Variants in ZNF440 observed in about 807,000 individuals in gnomAD.
ZNF440 encodes zinc finger protein 440.
In ZNF440, 47 loss-of-function variants were observed where a neutral mutation model predicts 49.7. That is an observed-to-expected ratio of 0.95 (90% CI 0.75 to 1.21). ZNF440 has a LOEUF of 1.21. Among genes scored for constraint, ZNF440 ranks in the 50% most tolerant of loss-of-function variants. The pLI is 0.00. For missense variants in ZNF440, 703 were observed against 715.0 expected (o/e 0.98, Z 0.19); for synonymous variants, 255 against 237.7 (o/e 1.07, Z -0.67).
intron 1 of ZNF440, among the ~76,000 whole-genome samples, chr19:11,820,986 TCTC>T (rs1424991524): frequency 6.6e-6 from 1 of 152,078 alleles, no homozygotes. Flanking sequence ...AATTAGCACT[TCTC>T]CTTTCCTCTA....
chr19:11,818,457 G>T (rs897355058), intron 1 of ZNF440, among the ~76,000 whole-genome samples: 9 of 152,126 alleles, frequency 5.9e-5, no homozygotes, highest in Non-Finnish European at 1.3e-4. Context: ...CTAGGCACCT[G>T]CTTCCCTAAC....
At position 11,830,318 on chromosome 19, in the gene ZNF440, C is replaced by T. The variant is rs765663091; in HGVS notation, c.39C>T (p.Phe13=). Residue 13 remains phenylalanine, a synonymous_variant, in exon 2 of 4, where the codon TTC becomes TTT. Transcript: ENST00000304060. ...PVAFKDVAVN[F]TQEEWALLDI... ...CTTTTAAGGATGTGGCTGTGAACTTCACCCAGGAGGAGTGGGCTTTGCTGG... is the reference window on the plus strand; with the variant it reads ...CTTTTAAGGATGTGGCTGTGAACTTTACCCAGGAGGAGTGGGCTTTGCTGG... 2.5e-6 allele frequency: 4 copies of T among 1,614,148 alleles called. No individual in the cohort carries two copies. In the Admixed American group the frequency reaches 6.7e-5, roughly 27 times the overall value.
At chr19:11,820,391 T>C (rs1375923101) in intron 1 of ZNF440, among the ~76,000 whole-genome samples, 1 of 152,150 alleles carries the variant, frequency 6.6e-6, no homozygotes, top group African/African-American at 2.4e-5. Context: ...TAATTTTTTT[T>C]GTATTTTTTG....
rs768869222 is a variant in ZNF440, at chr19:11,832,407, C to T, written c.1231C>T (p.Leu411Phe). The change falls in exon 4 of 4, where the codon CTT becomes TTT. Residue 411 changes from leucine to phenylalanine, a missense_variant. Coordinates refer to ENST00000304060, the MANE Select transcript of ZNF440 (RefSeq NM_152357.3). ...CGKAFRSASH[L>F]RVHGRTHTGE... ...GAAAGCCTTCAGATCTGCCTCACACCTTCGAGTGCATGGTAGGACTCACAC... is the reference window on the plus strand; with the variant it reads ...GAAAGCCTTCAGATCTGCCTCACACTTTCGAGTGCATGGTAGGACTCACAC... 3 of 1,613,290 alleles carry T rather than the reference C, an allele frequency of 1.9e-6. No individual in the cohort carries two copies. The highest frequency in any genetic ancestry group is 2.5e-6 in the Non-Finnish European group (3 of 1,179,694).
chr19:11,823,853 T>G (rs1463605809), intron 1 of ZNF440, among the ~76,000 whole-genome samples: 1 of 151,944 alleles, frequency 6.6e-6, no homozygotes, highest in Admixed American at 6.6e-5. Flanking sequence ...TCCCAGCTAT[T>G]CGGGAGGCTG....
At chr19:11,828,064 G>T (rs1975888169) in intron 1 of ZNF440, among the ~76,000 whole-genome samples, 1 of 152,262 alleles carries the variant, frequency 6.6e-6, no homozygotes, top group Non-Finnish European at 1.5e-5. Flanking sequence ...TCAGACTTTG[G>T]CCATGACCTT....
chr19:11,827,129 T>C (rs969824411), intron 1 of ZNF440, among the ~76,000 whole-genome samples: 28 of 150,872 alleles, frequency 1.9e-4, no homozygotes, highest in African/African-American at 6.8e-4. Flanking sequence ...AGTGGCGTAA[T>C]CTTGGCTCAC....
At position 11,816,165 on chromosome 19, in the gene ZNF440, G is replaced by A. The variant is rs770016794; in HGVS notation, c.3+1715G>A. 53 of 160,028 alleles carry A rather than the reference G, an allele frequency of 3.3e-4. 1 individual carries two copies. The highest frequency in any genetic ancestry group is 6.3e-4 in the Non-Finnish European group (46 of 73,376). The allele number at this position is 160,028 out of a possible 1,614,324, so 9.9% of individuals were successfully genotyped here. A position where few individuals can be genotyped will look rare whatever the true frequency, so the allele number is the denominator to read the frequency against. On this transcript the variant is annotated intron_variant, in intron 1 of 3. Transcript: ENST00000304060. ...AAGGTGTAAGTTCCATTGGCAGAAA[G>A]GGTGGGACCTGTGGAAGGGGGGTTA...
rs142539118 is a variant in ZNF440 at position 11,821,011 on chromosome 19, C to G, written c.3+6561C>G. Among the ~76,000 whole-genome samples the G allele has an allele frequency of 1.6e-4, 25 of 152,280 alleles. No individual in the cohort carries two copies. In the East Asian group the frequency reaches 4.6e-3, roughly 28 times the overall value. ...TCTCCTTTCCTCTATGTGAAATGTT[C>G]AGAGAATCACCACCAGACACTTTCC... On this transcript the variant is annotated intron_variant, in intron 1 of 3. Coordinates refer to ENST00000304060, the MANE Select transcript of ZNF440 (RefSeq NM_152357.3).
intron 1 of ZNF440, among the ~76,000 whole-genome samples, chr19:11,825,187 A>T (rs1051397247): frequency 6.6e-6 from 1 of 152,158 alleles, no homozygotes; most frequent in Non-Finnish European, 1.5e-5. Flanking sequence ...TAAAAAATAA[A>T]AAATAAAAAC....
chr19:11,821,888 T>G (rs1975804503), intron 1 of ZNF440, among the ~76,000 whole-genome samples: 2 of 152,216 alleles, frequency 1.3e-5, no homozygotes, highest in Admixed American at 6.5e-5. Context: ...TGACATACAG[T>G]GCATGGCTCA....
At chr19:11,823,239 C>G (rs1271282171) in intron 1 of ZNF440, among the ~76,000 whole-genome samples, 1 of 152,124 alleles carries the variant, frequency 6.6e-6, no homozygotes, top group Admixed American at 6.6e-5. Context: ...AGGATCGACT[C>G]TTATGCTGTC....
chr19:11,824,143 A>G (rs1280804531), intron 1 of ZNF440, among the ~76,000 whole-genome samples: 2 of 149,402 alleles, frequency 1.3e-5, no homozygotes, highest in Non-Finnish European at 3.0e-5. Flanking sequence ...TGATTGCAAC[A>G]CTACACTCCA....
rs535387812 is a variant in ZNF440, at chr19:11,824,396, A to G, written c.4-5887A>G. The stretch of plus-strand genomic sequence containing the variant: ...AAGAATTGCACAATGAATTCAAATA[A>G]TGATGGAACCAGTATTGGGAATAAG... On this transcript the variant is annotated intron_variant, in intron 1 of 3. Coordinates refer to ENST00000304060, the MANE Select transcript of ZNF440 (RefSeq NM_152357.3). 2.0e-5 allele frequency among the ~76,000 whole-genome samples: 3 copies of G among 152,260 alleles called. No homozygotes were observed. In the East Asian group the frequency reaches 5.8e-4, roughly 29 times the overall value.
chr19:11,825,724 C>T (rs1975854918), intron 1 of ZNF440, among the ~76,000 whole-genome samples: 1 of 151,688 alleles, frequency 6.6e-6, no homozygotes, highest in Non-Finnish European at 1.5e-5. Context: ...TCAGGTGATC[C>T]TCCCGCCTCA....
In ZNF440 at chr19:11,833,849, G is replaced by A. The variant is rs1062272; in HGVS notation, c.*885G>A. 1.4e-4 allele frequency: 79 copies of A among 573,726 alleles called. No homozygotes were observed. Among genetic ancestry groups the A allele is most frequent in the South Asian group, 1.7e-4 (6 of 34,688 alleles). The allele number at this position is 573,726 out of a possible 1,614,324, so 35.5% of individuals were successfully genotyped here. On this transcript the variant is annotated 3_prime_UTR_variant, in exon 4 of 4. Coordinates refer to ENST00000304060, the MANE Select transcript of ZNF440 (RefSeq NM_152357.3). ...ATGAATGTAAGCAGTATGGGAAAGCGTTCAGACCTGACAAGATTCTTTGAA... is the reference window on the plus strand; with the variant it reads ...ATGAATGTAAGCAGTATGGGAAAGCATTCAGACCTGACAAGATTCTTTGAA...
chr19:11,822,339 T>A (rs1240231068), intron 1 of ZNF440, among the ~76,000 whole-genome samples: 2 of 152,190 alleles, frequency 1.3e-5, no homozygotes, highest in Admixed American at 1.3e-4. Context: ...AGTTAAATCC[T>A]TAAAGAAAAT....
chr19:11,814,426 G>A lies in ZNF440; in HGVS notation c.-22G>A, dbSNP rs367821353. The A allele has an allele frequency of 7.1e-6, 11 of 1,557,966 alleles. No homozygotes were observed. The highest frequency in any genetic ancestry group is 8.7e-6 in the Non-Finnish European group (10 of 1,153,420). On this transcript the variant is annotated 5_prime_UTR_variant, in exon 1 of 4. Transcript: ENST00000304060. ...TCGCGGGAGCCACGCAGAGGACGCCGGAACACCCTGGAAGCCGAGAAATGG... is the reference window on the plus strand; with the variant it reads ...TCGCGGGAGCCACGCAGAGGACGCCAGAACACCCTGGAAGCCGAGAAATGG...
At chr19:11,827,256 G>T (rs561741840) in intron 1 of ZNF440, among the ~76,000 whole-genome samples, 1 of 129,804 alleles carries the variant, frequency 7.7e-6, no homozygotes, top group East Asian at 2.0e-4. Context: ...TAGAGACGGG[G>T]TTTCACCATG....
Sources: gnomAD v4.1 joint callset for allele counts (sites outside exome capture counted in the v4.1 genomes callset) on GRCh38, gnomAD v4.1.1 for gene constraint, MANE v1.5 for transcripts, NCBI Gene and HGNC (gene_info 2026-07-23, HGNC 2026-07-21) for gene names.